The following TRAK1 variants were observed in gnomAD, a reference collection of about 807,000 sequenced individuals.
The protein encoded by TRAK1 is trafficking kinesin-binding protein 1.
TRAK1 carries 33 observed loss-of-function variants against 92.1 expected under a neutral mutation model. The observed-to-expected ratio is 0.36, with a 90% CI of 0.27 to 0.48. The LOEUF (loss-of-function observed/expected upper bound fraction) is 0.48. Among genes scored for constraint, TRAK1 ranks in the 20% least tolerant of loss-of-function variants. The probability of loss-of-function intolerance (pLI) is 0.99; values close to 1 mark genes in which losing one functional copy is unlikely to be tolerated. For synonymous variants in TRAK1, 521 were observed against 517.3 expected (o/e 1.01, Z -0.10); for missense variants, 1,123 against 1,257.9 (o/e 0.89, Z 1.62).
chr3:42,157,238 T>G (rs1282883037), intron 2 of TRAK1, among the ~76,000 whole-genome samples: 2 of 150,932 alleles, frequency 1.3e-5, no homozygotes, highest in Non-Finnish European at 3.0e-5. Context: ...GTGGGTGGAT[T>G]GCTTGAGCCC....
intron 1 of TRAK1, among the ~76,000 whole-genome samples, chr3:42,117,991 T>C (rs916980177): frequency 1.3e-5 from 2 of 152,112 alleles, no homozygotes; most frequent in Non-Finnish European, 2.9e-5. Context: ...AGATAATTTT[T>C]GTATTTTTAG....
chr3:42,157,026 G>T (rs895638859), intron 2 of TRAK1, among the ~76,000 whole-genome samples: 7 of 151,874 alleles, frequency 4.6e-5, no homozygotes, highest in African/African-American at 1.7e-4. Flanking sequence ...GGTGGCGGGC[G>T]CCTGTAATCC....
At chr3:42,177,716 G>C (rs1703400675) in intron 3 of TRAK1, among the ~76,000 whole-genome samples, 1 of 152,214 alleles carries the variant, frequency 6.6e-6, no homozygotes, top group Non-Finnish European at 1.5e-5. Flanking sequence ...AACTGGGCCA[G>C]ACTCGTTTCC....
chr3:42,078,701 C>T (rs1381918777), intron 1 of TRAK1, among the ~76,000 whole-genome samples: 17 of 141,844 alleles, frequency 1.2e-4, no homozygotes, highest in African/African-American at 1.9e-4. Context: ...TGCAGTGAGC[C>T]AAGATCAGGC....
In TRAK1 at chr3:42,223,438, G is replaced by T; in HGVS notation, c.2563G>T (p.Val855Leu). 1 of 1,614,118 alleles carries T rather than the reference G, an allele frequency of 6.2e-7. No homozygotes were observed. The highest frequency in any genetic ancestry group is 1.1e-5 in the South Asian group (1 of 91,084). ...AGTCAGGAGGTTTGGGGTGGCCAAA[G>T]TGGTGAACTCAGGGCGAGCCCATGT... ...DKVRRFGVAK[V>L]VNSGRAHVPT... The change falls in exon 16 of 16, where the codon GTG becomes TTG. Residue 855 changes from valine to leucine, a missense_variant. Val to Leu is a conservative substitution (Grantham distance 32). Coordinates refer to ENST00000327628, the MANE Select transcript of TRAK1 (RefSeq NM_001042646.3). This position sits in a 1 kb window ranked among gnomAD's most constrained non-coding sequence, Gnocchi z 6.1.
intron 1 of TRAK1, among the ~76,000 whole-genome samples, chr3:42,045,954 T>C (rs1056958636): frequency 6.6e-6 from 1 of 152,264 alleles, no homozygotes; most frequent in Admixed American, 6.5e-5. Flanking sequence ...ATTGCTATAA[T>C]TGCCTATTAG....
upstream of TRAK1, among the ~76,000 whole-genome samples, chr3:42,088,260 G>A (rs1256308255): frequency 6.6e-6 from 1 of 152,198 alleles, no homozygotes; most frequent in African/African-American, 2.4e-5. Context: ...CCTCCTGTGT[G>A]TCAGGGGTTT....
intron 2 of TRAK1, among the ~76,000 whole-genome samples, chr3:42,150,768 A>G (rs560807919): frequency 5.3e-5 from 8 of 152,336 alleles, no homozygotes; most frequent in South Asian, 2.1e-4. Flanking sequence ...TGCCAGTTCA[A>G]TCTCACTGGC....
chr3:42,105,684 C>T (rs1475255315), intron 1 of TRAK1, among the ~76,000 whole-genome samples: 3 of 152,134 alleles, frequency 2.0e-5, no homozygotes, highest in Non-Finnish European at 4.4e-5. Flanking sequence ...CAAAGATACT[C>T]CTCAAGAAGA....
At chr3:42,105,977 T>C (rs1047138744) in intron 1 of TRAK1, among the ~76,000 whole-genome samples, 30 of 152,246 alleles carry the variant, frequency 2.0e-4, no homozygotes, top group African/African-American at 7.2e-4. Flanking sequence ...GCTGAGAGAT[T>C]TTGTCACCAC....
chr3:42,220,365 T>A (rs1710219676), intron 15 of TRAK1: 1 of 535,852 alleles, frequency 1.9e-6, no homozygotes, highest in South Asian at 8.0e-5. Context: ...GAAAATGCTC[T>A]CCCCTAACAG....
At chr3:42,020,983 G>T (rs117847725) in intron 1 of TRAK1, among the ~76,000 whole-genome samples, 1 of 152,162 alleles carries the variant, frequency 6.6e-6, no homozygotes, top group African/African-American at 2.4e-5. Context: ...GAAGAAAATT[G>T]GAGGTTTACT....
chr3:42,038,867 C>T (rs1702429713), intron 1 of TRAK1, among the ~76,000 whole-genome samples: 1 of 139,182 alleles, frequency 7.2e-6, no homozygotes, highest in Non-Finnish European at 1.5e-5. Flanking sequence ...GTCTCAAACT[C>T]CTGGACTCAA....
upstream of TRAK1, among the ~76,000 whole-genome samples, chr3:42,090,575 A>G (rs1704966592): frequency 6.6e-6 from 1 of 152,206 alleles, no homozygotes; most frequent in African/African-American, 2.4e-5. Context: ...AATCTCAGCT[A>G]CTTGGGAGGC....
At chr3:42,152,896 G>A (rs1700110322) in intron 2 of TRAK1, among the ~76,000 whole-genome samples, 1 of 152,216 alleles carries the variant, frequency 6.6e-6, no homozygotes, top group Admixed American at 6.5e-5. Context: ...ATGTGGCCAT[G>A]TGGTATGGGA....
At chr3:42,132,981 C>T (rs560136106) in intron 2 of TRAK1, among the ~76,000 whole-genome samples, 1 of 152,234 alleles carries the variant, frequency 6.6e-6, no homozygotes, top group African/African-American at 2.4e-5. Context: ...CCTGTTAATT[C>T]TTCCTCCAGA....
At chr3:42,143,584 T>G (rs1576594779) in intron 2 of TRAK1, among the ~76,000 whole-genome samples, 1 of 152,280 alleles carries the variant, frequency 6.6e-6, no homozygotes, top group South Asian at 2.1e-4. Flanking sequence ...ACTTTCTAAA[T>G]GGGGCAGCCG....
At chr3:42,124,716 T>G in intron 1 of TRAK1, among the ~76,000 whole-genome samples, 1 of 152,182 alleles carries the variant, frequency 6.6e-6, no homozygotes, top group Non-Finnish European at 1.5e-5. Context: ...GTGTAGTAAC[T>G]GAAGTTCTGA....
At chr3:42,042,944 CTCG>C (rs2148904097) in intron 1 of TRAK1, among the ~76,000 whole-genome samples, 1 of 152,166 alleles carries the variant, frequency 6.6e-6, no homozygotes, top group East Asian at 1.9e-4. Context: ...ATCTCCTCAT[CTCG>C]TCTTTAAAAA....
Sources: allele counts gnomAD v4.1 joint callset (sites outside exome capture counted in the v4.1 genomes callset), GRCh38; gene constraint gnomAD v4.1.1; non-coding constraint Gnocchi (gnomAD v3.1); transcripts MANE v1.5; gene names NCBI Gene and HGNC (gene_info 2026-07-23, HGNC 2026-07-21).